SEMA5A: variants seen among roughly 807,000 people sequenced by gnomAD.
SEMA5A encodes semaphorin 5A, also known as semaphorin-5A.
In SEMA5A, 55 loss-of-function variants were observed where a neutral mutation model predicts 135.5. The observed-to-expected ratio is 0.41, with a 90% CI of 0.33 to 0.51. SEMA5A has a LOEUF of 0.51. Ranked by LOEUF, SEMA5A falls within the 20% of genes least tolerant of loss-of-function variation. The pLI, the probability that SEMA5A is intolerant of heterozygous loss-of-function variation, is 0.37. For synonymous variants in SEMA5A, 580 were observed against 546.5 expected, an observed-to-expected ratio of 1.06 and a Z score of -0.85; for missense variants, 1,290 against 1,419.9, an observed-to-expected ratio of 0.91 and a Z score of 1.47.
intron 2 of SEMA5A, among the ~76,000 whole-genome samples, chr5:9,381,942 T>TGTGTGTGTG (rs1755628173): frequency 3.7e-5 from 4 of 109,304 alleles, no homozygotes; most frequent in Non-Finnish European, 5.4e-5. Context: ...TAGAATCATT[T>TGTGTGTGTG]TGTGTGTGTG....
At chr5:9,439,349 C>A (rs922593539) in intron 1 of SEMA5A, among the ~76,000 whole-genome samples, 1 of 152,182 alleles carries the variant, frequency 6.6e-6, no homozygotes, top group Non-Finnish European at 1.5e-5. Context: ...TGTTTGAATA[C>A]ACAAGCATCC....
At chr5:9,333,817 GT>G (rs371135835) in intron 4 of SEMA5A, among the ~76,000 whole-genome samples, 1 of 151,982 alleles carries the variant, frequency 6.6e-6, no homozygotes, top group Non-Finnish European at 1.5e-5. Context: ...CTCTGAAATT[GT>G]TTTTTTCTTT....
At chr5:9,130,441 C>A (rs1044157361) in intron 13 of SEMA5A, among the ~76,000 whole-genome samples, 2 of 152,180 alleles carry the variant, frequency 1.3e-5, no homozygotes, top group African/African-American at 2.4e-5. Context: ...CTAAGCCTAT[C>A]TCTGCAAATG....
intron 2 of SEMA5A, among the ~76,000 whole-genome samples, chr5:9,424,950 G>GATTCTC (rs1757591960): frequency 1.3e-5 from 2 of 152,140 alleles, no homozygotes; most frequent in Non-Finnish European, 1.5e-5. Flanking sequence ...TGACCCAGTG[G>GATTCTC]TGACCTTGAT....
In SEMA5A at chr5:9,211,113, A is replaced by G. The variant is rs1806047; in HGVS notation, c.647-8873T>C. Among the ~76,000 whole-genome samples the G allele has an allele frequency of 6.6e-5, 10 of 152,314 alleles. No homozygotes were observed. In the East Asian group the frequency reaches 1.9e-3, roughly 29 times the overall value. ...ATCTCATTGTGCTGTGTCACATGTC[A>G]CACAACTTTGCTCAACACACTTTCC... On this transcript the variant is annotated intron_variant, in intron 8 of 22. Coordinates refer to ENST00000382496, the MANE Select transcript of SEMA5A (RefSeq NM_003966.3).
chr5:9,081,352 A>G (rs1738373311), intron 16 of SEMA5A, among the ~76,000 whole-genome samples: 1 of 152,202 alleles, frequency 6.6e-6, no homozygotes, highest in Admixed American at 6.5e-5. Context: ...ATGTAGTATT[A>G]AACAACTGAA....
chr5:9,509,163 C>A (rs1248768223), intron 1 of SEMA5A, among the ~76,000 whole-genome samples: 1 of 108,494 alleles, frequency 9.2e-6, no homozygotes, highest in Non-Finnish European at 2.0e-5. Flanking sequence ...AAGAAAAGAG[C>A]AGGATGAGAG....
intron 5 of SEMA5A, among the ~76,000 whole-genome samples, chr5:9,266,996 A>G (rs1385504326): frequency 6.6e-6 from 1 of 152,192 alleles, no homozygotes; most frequent in East Asian, 1.9e-4. Context: ...ATCCCATTGT[A>G]CAGATTAGAA....
At chr5:9,172,382 AT>A (rs535413143) in intron 11 of SEMA5A, among the ~76,000 whole-genome samples, 67 of 152,232 alleles carry the variant, frequency 4.4e-4, no homozygotes, top group South Asian at 2.1e-4. Flanking sequence ...GGTTGAAACT[AT>A]TTTTTTCACT....
At chr5:9,273,874 A>C (rs960719515) in intron 5 of SEMA5A, among the ~76,000 whole-genome samples, 3 of 152,174 alleles carry the variant, frequency 2.0e-5, no homozygotes, top group Non-Finnish European at 4.4e-5. Context: ...AGTACCAGCC[A>C]CTGCAAAAAC....
chr5:9,444,247 C>G (rs1243210143), intron 1 of SEMA5A, among the ~76,000 whole-genome samples: 2 of 151,330 alleles, frequency 1.3e-5, no homozygotes, highest in Non-Finnish European at 2.9e-5. Flanking sequence ...GTAAGTGTAA[C>G]CAAACTTTTG....
chr5:9,371,681 A>G (rs897227621), intron 3 of SEMA5A, among the ~76,000 whole-genome samples: 1 of 152,254 alleles, frequency 6.6e-6, no homozygotes, highest in African/African-American at 2.4e-5. Context: ...TTTTGACATT[A>G]CATCACATAA....
intron 3 of SEMA5A, among the ~76,000 whole-genome samples, chr5:9,344,542 G>A (rs969316681): frequency 2.0e-5 from 3 of 152,154 alleles, no homozygotes; most frequent in African/African-American, 7.2e-5. Flanking sequence ...GCTGCCCACT[G>A]AGCAGGACAT....
chr5:9,152,163 C>T (rs1450523744), intron 12 of SEMA5A, among the ~76,000 whole-genome samples: 2 of 152,206 alleles, frequency 1.3e-5, no homozygotes, highest in Non-Finnish European at 2.9e-5. Flanking sequence ...GCCATGCACT[C>T]CCATTCTGGC....
intron 6 of SEMA5A, among the ~76,000 whole-genome samples, chr5:9,230,793 G>A (rs1747588612): frequency 6.6e-6 from 1 of 152,164 alleles, no homozygotes; most frequent in Admixed American, 6.5e-5. Flanking sequence ...GCCTTAACTA[G>A]AGGTCTGAGT....
At position 9,118,946 on chromosome 5, in the gene SEMA5A, G is replaced by T. The variant is rs1740660827; in HGVS notation, c.1925+52C>A. 3.5e-5 allele frequency: 56 copies of T among 1,591,300 alleles called. No homozygotes were observed. In the South Asian group the frequency reaches 5.4e-4, roughly 15 times the overall value. Reference sequence around the variant, plus strand: ...AACCGCGGGGAACTCGACCTGGCCGGAATGAGAGTAAGCGTGAGGCTGGCG... The same window carrying T: ...AACCGCGGGGAACTCGACCTGGCCGTAATGAGAGTAAGCGTGAGGCTGGCG... On this transcript the variant is annotated intron_variant, in intron 15 of 22. Transcript: ENST00000382496.
At chr5:9,170,322 G>A (rs1185993134) in intron 11 of SEMA5A, among the ~76,000 whole-genome samples, 1 of 152,046 alleles carries the variant, frequency 6.6e-6, no homozygotes, top group Non-Finnish European at 1.5e-5. Flanking sequence ...AACTTATTTT[G>A]AAGTAGATAC....
At chr5:9,303,798 G>C (rs537757708) in intron 5 of SEMA5A, among the ~76,000 whole-genome samples, 1 of 151,952 alleles carries the variant, frequency 6.6e-6, no homozygotes, top group African/African-American at 2.4e-5. Flanking sequence ...AGAAACAAAA[G>C]ACAATCCTTG....
At chr5:9,136,074 T>C (rs1319554612) in intron 13 of SEMA5A, among the ~76,000 whole-genome samples, 1 of 152,186 alleles carries the variant, frequency 6.6e-6, no homozygotes, top group Non-Finnish European at 1.5e-5. Context: ...AAGGTGAAAG[T>C]AATATCCTTT....
Sources: gnomAD v4.1 joint callset for allele counts (sites outside exome capture counted in the v4.1 genomes callset) on GRCh38, gnomAD v4.1.1 for gene constraint, MANE v1.5 for transcripts, NCBI Gene and HGNC (gene_info 2026-07-23, HGNC 2026-07-21) for gene names.